Variants in SCN8A observed in about 807,000 individuals in gnomAD.
The protein encoded by SCN8A is sodium channel protein type 8 subunit alpha.
SCN8A carries 30 observed loss-of-function variants against 184.1 expected under a neutral mutation model. That is an observed-to-expected ratio of 0.16 (90% CI 0.12 to 0.22). SCN8A has a LOEUF of 0.22. Ranked by LOEUF, SCN8A falls within the 10% of genes least tolerant of loss-of-function variation. The pLI is 1.00. For missense variants in SCN8A, 1,057 were observed against 2,498.9 expected, an observed-to-expected ratio of 0.42 and a Z score of 12.30; for synonymous variants, 852 against 907.0, an observed-to-expected ratio of 0.94 and a Z score of 1.09.
intron 1 of SCN8A, among the ~76,000 whole-genome samples, chr12:51,619,701 C>T (rs1024444288): frequency 6.6e-6 from 1 of 152,088 alleles, no homozygotes; most frequent in Non-Finnish European, 1.5e-5. Flanking sequence ...TTTCCTTACC[C>T]TTCTAATTCT....
At chr12:51,734,453 G>A (rs918085355) in intron 12 of SCN8A, among the ~76,000 whole-genome samples, 26 of 152,228 alleles carry the variant, frequency 1.7e-4, no homozygotes, top group Non-Finnish European at 3.4e-4. Flanking sequence ...AAAGGAATAG[G>A]TTGGGCTAGT....
chr12:51,592,036 C>T (rs1939232760), intron 1 of SCN8A, among the ~76,000 whole-genome samples: 1 of 142,562 alleles, frequency 7.0e-6, no homozygotes, highest in Admixed American at 7.0e-5. Context: ...AGAATATCCC[C>T]TTCCCCCATC....
chr12:51,733,147 A>AG (rs1157340510), intron 12 of SCN8A, among the ~76,000 whole-genome samples: 22 of 152,224 alleles, frequency 1.4e-4, no homozygotes, highest in Admixed American at 1.1e-3. Flanking sequence ...CTTAGAGAAA[A>AG]GCTTTCAGTT....
chr12:51,680,861 G>A lies in SCN8A; in HGVS notation c.277-3313G>A, dbSNP rs186563266. Among the ~76,000 whole-genome samples, 22 of 152,104 alleles carry A rather than the reference G, an allele frequency of 1.4e-4. No individual in the cohort carries two copies. In the East Asian group the frequency reaches 3.5e-3, roughly 24 times the overall value. ...TACTAAAAATACAAAAAAATTAGCC[G>A]GGCGTGGTGGCAGGTGCCTGTAATC... is the stretch of plus-strand genomic sequence containing the variant. On this transcript the variant is annotated intron_variant, in intron 2 of 26. Transcript: ENST00000627620.
Position 51,747,036 on chromosome 12 carries a change from G to A in SCN8A, c.2131+1001G>A, listed in dbSNP as rs1942521351. 2.0e-5 allele frequency among the ~76,000 whole-genome samples: 3 copies of A among 151,440 alleles called. 1 individual carries two copies. Among genetic ancestry groups the A allele is most frequent in the Admixed American group, 2.0e-4 (3 of 15,190 alleles). On this transcript the variant is annotated intron_variant, in intron 13 of 26. Transcript: ENST00000627620. Reference sequence around the variant, plus strand: ...CTCAAAATGGTCCCAGTATCCTTGAGACAAGTTATTTTTTTAGTCATTTAA... The same window carrying A: ...CTCAAAATGGTCCCAGTATCCTTGAAACAAGTTATTTTTTTAGTCATTTAA...
At chr12:51,744,134 T>C (rs1331401422) in intron 12 of SCN8A, among the ~76,000 whole-genome samples, 4 of 152,148 alleles carry the variant, frequency 2.6e-5, no homozygotes, top group Non-Finnish European at 1.5e-5. Context: ...AAACCTTGTC[T>C]TTACTAAAAA....
At chr12:51,695,672 A>G (rs573316579) in intron 6 of SCN8A, among the ~76,000 whole-genome samples, 2 of 151,536 alleles carry the variant, frequency 1.3e-5, no homozygotes, top group Admixed American at 6.5e-5. Context: ...CTCTCTCAGC[A>G]TACTAACTGC....
chr12:51,595,908 G>A (rs1412614954), intron 1 of SCN8A, among the ~76,000 whole-genome samples: 1 of 152,194 alleles, frequency 6.6e-6, no homozygotes, highest in African/African-American at 2.4e-5. Flanking sequence ...AAGTTTTACT[G>A]TACAATTGCT....
chr12:51,667,678 T>C (rs1157118557), intron 2 of SCN8A, among the ~76,000 whole-genome samples: 1 of 152,202 alleles, frequency 6.6e-6, no homozygotes, highest in Admixed American at 6.5e-5. Context: ...CTAATGACTA[T>C]CTTAAGTAGG....
chr12:51,627,991 G>A (rs1176369747), intron 1 of SCN8A, among the ~76,000 whole-genome samples: 2 of 152,232 alleles, frequency 1.3e-5, no homozygotes, highest in Non-Finnish European at 2.9e-5. Flanking sequence ...TAATGCTAAA[G>A]CAGGATATAT....
intron 12 of SCN8A, among the ~76,000 whole-genome samples, chr12:51,738,654 C>T (rs1401381814): frequency 1.3e-5 from 2 of 152,222 alleles, no homozygotes; most frequent in Non-Finnish European, 2.9e-5. Context: ...GTGCTATGCG[C>T]TCTCCTGGCT....
At chr12:51,609,026 A>G (rs552406091) in intron 1 of SCN8A, among the ~76,000 whole-genome samples, 6 of 152,310 alleles carry the variant, frequency 3.9e-5, no homozygotes, top group Admixed American at 6.5e-5. Flanking sequence ...CTTAACTTCT[A>G]TGTATTTGCA....
At chr12:51,719,520 C>T (rs1428141849) in intron 11 of SCN8A, among the ~76,000 whole-genome samples, 1 of 62,708 alleles carries the variant, frequency 1.6e-5, no homozygotes, top group Non-Finnish European at 3.2e-5. Context: ...CCCCATGGCC[C>T]TTCCAGTGTT....
At chr12:51,752,877 G>C (rs1205150377) in intron 14 of SCN8A, among the ~76,000 whole-genome samples, 1 of 152,174 alleles carries the variant, frequency 6.6e-6, no homozygotes. Context: ...AATATGTCTT[G>C]ATAATTTTTA....
chr12:51,679,671 G>C (rs1009380678), intron 2 of SCN8A, among the ~76,000 whole-genome samples: 1 of 150,888 alleles, frequency 6.6e-6, no homozygotes, highest in Non-Finnish European at 1.5e-5. Flanking sequence ...AGTATTAAAA[G>C]GGAAATTCCT....
At chr12:51,801,792 T>A (rs1938562611) in intron 26 of SCN8A, among the ~76,000 whole-genome samples, 1 of 152,174 alleles carries the variant, frequency 6.6e-6, no homozygotes, top group Non-Finnish European at 1.5e-5. Flanking sequence ...CCATAGCTCA[T>A]GCTTGTAATC....
In SCN8A at chr12:51,706,679, C is replaced by A. The variant is rs2138750756; in HGVS notation, c.1599C>A (p.Asp533Glu). 1 of 1,588,712 alleles carries A rather than the reference C, an allele frequency of 6.3e-7. No individual in the cohort carries two copies. The change falls in exon 11 of 27, where the codon GAC (aspartate) becomes GAA (glutamate). Residue 533 changes from aspartate (D) to glutamate (E), a missense_variant. By Grantham distance (45) the Asp-to-Glu change is conservative (BLOSUM62 2). This residue lies in a region of SCN8A where 322 missense variants were observed against 390.1 expected (regional missense o/e 0.83). Coordinates refer to ENST00000627620, the MANE Select transcript of SCN8A (RefSeq NM_001330260.2). ...GAAGGAAGGCCTTTCGGCTGCCAGACAACAGAATAGGGAGGAAATTTTCCA... is the reference window on the plus strand; with the variant it reads ...GAAGGAAGGCCTTTCGGCTGCCAGAAAACAGAATAGGGAGGAAATTTTCCA... ...GMRRKAFRLP[D>E]NRIGRKFSIM... is the part of the protein sequence containing the mutation.
intron 12 of SCN8A, among the ~76,000 whole-genome samples, chr12:51,740,540 GTA>G (rs1308880391): frequency 4.6e-5 from 7 of 152,252 alleles, no homozygotes; most frequent in African/African-American, 1.7e-4. Context: ...AATTTTTTGA[GTA>G]TTTTAAGACT....
At chr12:51,690,118 G>A (rs911198391) in intron 6 of SCN8A, 1 of 152,154 alleles carries the variant, frequency 6.6e-6, no homozygotes, top group African/African-American at 2.4e-5. Flanking sequence ...ATTTTAGTTA[G>A]TATTGTGAGC....
Sources: gnomAD v4.1 joint callset for allele counts (sites outside exome capture counted in the v4.1 genomes callset) on GRCh38, gnomAD v4.1.1 for gene constraint, gnomAD v4.1.1 regional missense constraint, MANE v1.5 for transcripts, NCBI Gene and HGNC (gene_info 2026-07-23, HGNC 2026-07-21) for gene names.